Variants in KANSL1 observed in about 807,000 individuals in gnomAD.
KANSL1 encodes the protein KAT8 regulatory NSL complex subunit 1, also known as MLL1/MLL complex subunit KANSL1.
A neutral mutation model predicts 103.6 loss-of-function variants in KANSL1; 22 were observed. That is an observed-to-expected ratio of 0.21 (90% CI 0.15 to 0.30). KANSL1 has a LOEUF of 0.30. Among genes scored for constraint, KANSL1 ranks in the 10% least tolerant of loss-of-function variants. KANSL1 has a pLI of 1.00. For synonymous variants in KANSL1, 600 were observed against 527.6 expected, an observed-to-expected ratio of 1.14 and a Z score of -1.88; for missense variants, 1,337 against 1,399.8, an observed-to-expected ratio of 0.96 and a Z score of 0.72.
At chr17:46,062,118 C>CA (rs66529773) in intron 6 of KANSL1, among the ~76,000 whole-genome samples, 19,881 of 108,332 alleles carry the variant, frequency 0.18, 2,542 homozygotes, top group East Asian at 0.49. Context: ...AACAAACAAA[C>CA]AAAAAAAAAA....
chr17:46,219,683 G>A (rs78442340), intron 1 of KANSL1, among the ~76,000 whole-genome samples: 14,014 of 144,030 alleles, frequency 0.097, no homozygotes, highest in Non-Finnish European at 0.15. Context: ...ATTTTTTAAT[G>A]CCTGACTTTG....
chr17:46,159,230 G>T (rs1312377399), intron 2 of KANSL1, among the ~76,000 whole-genome samples: 1 of 152,166 alleles, frequency 6.6e-6, no homozygotes, highest in East Asian at 1.9e-4. Context: ...ATCACAGCCT[G>T]GTCCCACCAC....
intron 4 of KANSL1, among the ~76,000 whole-genome samples, chr17:46,079,478 G>A (rs976212958): frequency 3.3e-5 from 5 of 152,118 alleles, no homozygotes; most frequent in Admixed American, 6.5e-5. Context: ...ATTTTAGAAC[G>A]CTGACAAGTT....
intron 2 of KANSL1, among the ~76,000 whole-genome samples, chr17:46,126,988 C>T (rs1448730431): frequency 3.9e-5 from 6 of 152,220 alleles, no homozygotes; most frequent in Non-Finnish European, 8.8e-5. Flanking sequence ...AGGGGATCCA[C>T]AGGAAATTCA....
chr17:46,087,342 C>G lies in KANSL1; in HGVS notation c.1432-4800G>C, dbSNP rs59379505. Among the ~76,000 whole-genome samples, 366 of 152,264 alleles carry G rather than the reference C, an allele frequency of 2.4e-3. 2 individuals are homozygous for G. The highest frequency in any genetic ancestry group is 8.3e-3 in the African/African-American group (346 of 41,526). On this transcript the variant is annotated intron_variant, in intron 3 of 14. Transcript: ENST00000432791. ...TGTAAGTTCACTATGGCATTCAAAACCAAACACTGGATCCTCTAATTTAAT... is the reference window on the plus strand; with the variant it reads ...TGTAAGTTCACTATGGCATTCAAAAGCAAACACTGGATCCTCTAATTTAAT...
chr17:46,220,052 G>C (rs1285477280), intron 1 of KANSL1, among the ~76,000 whole-genome samples: 1 of 151,942 alleles, frequency 6.6e-6, no homozygotes, highest in Non-Finnish European at 1.5e-5. Context: ...GCAGTGAGCC[G>C]AGATTGCGCC....
At chr17:46,077,088 G>A (rs2078803518) in intron 4 of KANSL1, among the ~76,000 whole-genome samples, 1 of 152,180 alleles carries the variant, frequency 6.6e-6, no homozygotes. Flanking sequence ...GTCTCACCCC[G>A]TCGCCCAGGC....
intron 4 of KANSL1, among the ~76,000 whole-genome samples, chr17:46,082,045 T>C (rs1301060245): frequency 6.6e-6 from 1 of 152,214 alleles, no homozygotes; most frequent in Non-Finnish European, 1.5e-5. Flanking sequence ...GAGACCATTT[T>C]CAGTGTTCTT....
At chr17:46,080,371 A>AT (rs1001726432) in intron 4 of KANSL1, among the ~76,000 whole-genome samples, 2 of 151,320 alleles carry the variant, frequency 1.3e-5, no homozygotes, top group Non-Finnish European at 2.9e-5. Context: ...TGGGGAAAAA[A>AT]TTAACAAAAT....
chr17:46,193,652 C>A, upstream of KANSL1: 1 of 313,194 alleles, frequency 3.2e-6, no homozygotes, highest in Non-Finnish European at 6.7e-6. Flanking sequence ...CTGCGGAGGC[C>A]GCGGCGCCCG....
At chr17:46,056,057 G>A (rs1218440343) in intron 6 of KANSL1, among the ~76,000 whole-genome samples, 1 of 152,156 alleles carries the variant, frequency 6.6e-6, no homozygotes, top group Non-Finnish European at 1.5e-5. Context: ...AGAGTGCAAT[G>A]GTGCGATCTC....
In KANSL1 at chr17:46,066,694, C is replaced by A. The variant is rs765305846; in HGVS notation, c.1691G>T (p.Ser564Ile). The A allele has an allele frequency of 6.2e-7, 1 of 1,614,110 alleles. No homozygotes were observed. The highest frequency in any genetic ancestry group is 8.5e-7 in the Non-Finnish European group (1 of 1,180,008). Residue 564 changes from serine to isoleucine, a missense_variant, in exon 6 of 15, where the codon AGC becomes ATC. Physicochemically the swap from Ser to Ile is moderately radical, Grantham distance 142. Transcript: ENST00000432791. ...ATGTAATTGTTCCTCAGCATCAGAG[C>A]TGTCACCTGGAATGTGGTCTGCCAA... ...PVLADHIPGDSSDAEEQLHKK... is the reference protein window; with the variant it reads ...PVLADHIPGDISDAEEQLHKK...
chr17:46,082,129 T>C (rs1324594055), intron 4 of KANSL1, among the ~76,000 whole-genome samples: 1 of 152,136 alleles, frequency 6.6e-6, no homozygotes, highest in Admixed American at 6.5e-5. Context: ...AAGGTGACCT[T>C]ATGTCTCAGG....
chr17:46,049,240 C>CTTTTTTTTTTTT (rs34418861), intron 7 of KANSL1, among the ~76,000 whole-genome samples: 4 of 75,766 alleles, frequency 5.3e-5, no homozygotes, highest in Admixed American at 1.9e-4. Flanking sequence ...CATCCAAGAC[C>CTTTTTTTTTTTT]TTTTTTTTTT....
At position 46,172,194 on chromosome 17, in the gene KANSL1, C is replaced by A; in HGVS notation, c.-51G>T. ...GCCTCTCCCGATGCCGAGGCCGAGG[C>A]CAGCTCCACGGCCCCTTACTGCCTC... On this transcript the variant is annotated 5_prime_UTR_variant, in exon 2 of 15. Coordinates refer to ENST00000432791, the MANE Select transcript of KANSL1 (RefSeq NM_015443.4). 2 of 1,537,296 alleles carry A rather than the reference C, an allele frequency of 1.3e-6. No individual in the cohort carries two copies. The highest frequency in any genetic ancestry group is 1.8e-6 in the Non-Finnish European group (2 of 1,137,054).
At chr17:46,205,981 G>A (rs1261423300) in intron 1 of KANSL1, among the ~76,000 whole-genome samples, 6 of 151,108 alleles carry the variant, frequency 4.0e-5, no homozygotes. Flanking sequence ...GGGGGCTGAG[G>A]AGGGAAGATC....
At chr17:46,061,673 G>T (rs2078162301) in intron 6 of KANSL1, among the ~76,000 whole-genome samples, 1 of 152,140 alleles carries the variant, frequency 6.6e-6, no homozygotes. Context: ...TTATTCCTTA[G>T]ATTACATTTA....
chr17:46,055,071 G>C (rs1398659359), intron 6 of KANSL1, among the ~76,000 whole-genome samples: 1 of 151,734 alleles, frequency 6.6e-6, no homozygotes, highest in Non-Finnish European at 1.5e-5. Context: ...GGATGGTCTC[G>C]ATCTCCTGAC....
Position 46,171,971 on chromosome 17 carries a change from T to C in KANSL1, c.173A>G (p.Asp58Gly). The C allele has an allele frequency of 6.2e-7, 1 of 1,614,244 alleles. No homozygotes were observed. Among genetic ancestry groups the C allele is most frequent in the Non-Finnish European group, 8.5e-7 (1 of 1,180,042 alleles). ...GTKRKAIAAE[D>G]PSLDFRNNPT... ...ATTATTTCGGAAATCTAGGCTGGGA[T>C]CCTCTGCAGCAATGGCTTTTCTTTT... Residue 58 changes from aspartate to glycine, a missense_variant, in exon 2 of 15, where the codon GAT becomes GGT. This residue lies in a region of KANSL1 where 557 missense variants were observed against 476.4 expected (regional missense o/e 1.17). Transcript: ENST00000432791.
Sources: gnomAD v4.1 joint callset for allele counts (sites outside exome capture counted in the v4.1 genomes callset) on GRCh38, gnomAD v4.1.1 for gene constraint, gnomAD v4.1.1 regional missense constraint, MANE v1.5 for transcripts, NCBI Gene and HGNC (gene_info 2026-07-23, HGNC 2026-07-21) for gene names.